DDX42: variants seen among roughly 807,000 people sequenced by gnomAD.
The protein encoded by DDX42 is ATP-dependent RNA helicase DDX42.
A neutral mutation model predicts 101.5 loss-of-function variants in DDX42; 22 were observed. The ratio of observed to expected loss-of-function variants is 0.22; its 90% CI spans 0.15 to 0.31. The LOEUF is 0.31. Among genes scored for constraint, DDX42 ranks in the 10% least tolerant of loss-of-function variants. The probability of loss-of-function intolerance (pLI) is 1.00; values close to 1 mark genes in which losing one functional copy is unlikely to be tolerated. For missense variants in DDX42, 849 were observed against 1,199.9 expected (o/e 0.71, Z 4.32); for synonymous variants, 402 against 401.2 (o/e 1.00, Z -0.02).
intron 2 of DDX42, among the ~76,000 whole-genome samples, chr17:63,791,095 A>T (rs1390340280): frequency 6.6e-6 from 1 of 152,174 alleles, no homozygotes; most frequent in Non-Finnish European, 1.5e-5. Flanking sequence ...TAACTTTTTA[A>T]ACTGCAGTTA....
intron 1 of DDX42, among the ~76,000 whole-genome samples, chr17:63,777,390 A>G (rs188734920): frequency 3.3e-5 from 5 of 152,222 alleles, no homozygotes; most frequent in East Asian, 3.9e-4. Flanking sequence ...CATGAATCCT[A>G]TAATACGGAG....
At chr17:63,803,114 A>C (rs1437763999) in intron 6 of DDX42, among the ~76,000 whole-genome samples, 1 of 152,188 alleles carries the variant, frequency 6.6e-6, no homozygotes, top group African/African-American at 2.4e-5. Context: ...ATATTTTCCA[A>C]ATGATCAATG....
At chr17:63,801,798 A>T (rs113535795) in intron 6 of DDX42, among the ~76,000 whole-genome samples, 2,448 of 152,208 alleles carry the variant, frequency 0.016, 65 homozygotes, top group African/African-American at 0.054. Context: ...TGTTGGTCCT[A>T]GATCTGGGGC....
chr17:63,792,413 T>C lies in DDX42; in HGVS notation c.223T>C (p.Tyr75His). The change falls in exon 3 of 18, where the codon TAT becomes CAT. Residue 75 changes from tyrosine (Y) to histidine (H), a missense_variant and splice_region_variant. Physicochemically the swap from Tyr to His is moderately conservative, Grantham distance 83. Coordinates refer to ENST00000389924, the MANE Select transcript of DDX42 (RefSeq NM_203499.3). Reference sequence around the variant, plus strand: ...ACCAGTTTGCTTTCTAATTCTCAGCTATTTTGAAGATGAGGAAGAAGATTC... The same window carrying C: ...ACCAGTTTGCTTTCTAATTCTCAGCCATTTTGAAGATGAGGAAGAAGATTC... ...KRANFDEENA[Y>H]FEDEEEDSSN... The C allele has an allele frequency of 6.2e-7, 1 of 1,610,904 alleles. No individual in the cohort carries two copies.
At position 63,791,982 on chromosome 17, in the gene DDX42, G is replaced by A. The variant is rs375022440; in HGVS notation, c.222-430G>A. On this transcript the variant is annotated intron_variant, in intron 2 of 17. Coordinates refer to ENST00000389924, the MANE Select transcript of DDX42 (RefSeq NM_203499.3). ...GAATAGCTTGAACCCAGAAGGCGGG[G>A]GTTGCAGGGAGCCCAGATTGTGCCA... Among the ~76,000 whole-genome samples the A allele has an allele frequency of 2.6e-5, 4 of 151,922 alleles. 1 individual carries two copies. The East Asian group carries it at 7.7e-4, about 29-fold the overall frequency.
At chr17:63,804,075 T>C (rs1408189816) in intron 6 of DDX42, among the ~76,000 whole-genome samples, 2 of 152,168 alleles carry the variant, frequency 1.3e-5, no homozygotes, top group African/African-American at 4.8e-5. Flanking sequence ...TCACTCTTCT[T>C]CCAATTTTTT....
intron 7 of DDX42, chr17:63,805,454 C>T: frequency 7.5e-6 from 2 of 268,066 alleles, no homozygotes; most frequent in Non-Finnish European, 1.4e-5. Context: ...TGGGAGTCCC[C>T]ATCTAAAGGA....
intron 1 of DDX42, among the ~76,000 whole-genome samples, chr17:63,784,116 T>A (rs1337632456): frequency 6.6e-6 from 1 of 152,008 alleles, no homozygotes; most frequent in Non-Finnish European, 1.5e-5. Flanking sequence ...AACAACTAAG[T>A]GCTGTGTATA....
At chr17:63,810,448 G>C (rs1465614931) in intron 11 of DDX42, 65 bp from the exon 12 acceptor site, 2 of 1,546,086 alleles carry the variant, frequency 1.3e-6, no homozygotes, top group East Asian at 2.3e-5. Flanking sequence ...TACTAATATG[G>C]CTTTTTCCAG....
intron 1 of DDX42, among the ~76,000 whole-genome samples, chr17:63,776,573 A>G (rs2039423632): frequency 6.6e-6 from 1 of 152,186 alleles, no homozygotes. Context: ...TTGAACAAGT[A>G]CATTTTTGTG....
At chr17:63,801,813 G>C (rs1368505339) in intron 6 of DDX42, among the ~76,000 whole-genome samples, 1 of 152,100 alleles carries the variant, frequency 6.6e-6, no homozygotes, top group Non-Finnish European at 1.5e-5. Flanking sequence ...TGGGGCAGAT[G>C]AGAGGCTGTT....
At chr17:63,785,939 C>A (rs2039542951) in intron 1 of DDX42, among the ~76,000 whole-genome samples, 1 of 152,188 alleles carries the variant, frequency 6.6e-6, no homozygotes, top group South Asian at 2.1e-4. Context: ...AGAGTCTTGG[C>A]TGATAGCAGC....
At chr17:63,808,363 G>A (rs573939351) in intron 9 of DDX42, among the ~76,000 whole-genome samples, 4 of 151,956 alleles carry the variant, frequency 2.6e-5, no homozygotes, top group African/African-American at 4.8e-5. Flanking sequence ...TAGTAGAGAC[G>A]GGGTTTCACC....
intron 2 of DDX42, among the ~76,000 whole-genome samples, chr17:63,791,338 G>GTC (rs1376145162): frequency 6.6e-6 from 1 of 152,146 alleles, no homozygotes; most frequent in Non-Finnish European, 1.5e-5. Flanking sequence ...TTTTGAGAGA[G>GTC]TCTTGCTCTG....
chr17:63,791,041 A>G (rs1279414534), intron 2 of DDX42, among the ~76,000 whole-genome samples: 3 of 152,244 alleles, frequency 2.0e-5, no homozygotes, highest in East Asian at 1.9e-4. Context: ...ATAGCATAAC[A>G]GTTAAAGCTT....
In DDX42 at chr17:63,817,371, G is replaced by C. The variant is rs147533783; in HGVS notation, c.2113-323G>C. ...GTTTTGCTGTCAAACTTAAATTGCA[G>C]TATGAAAATTTTTTTTAAGTTTTCA... On this transcript the variant is annotated intron_variant, in intron 17 of 17. Coordinates refer to ENST00000389924, the MANE Select transcript of DDX42 (RefSeq NM_203499.3). 3.1e-3 allele frequency: 969 copies of C among 312,588 alleles called. 5 individuals are homozygous for C. Among genetic ancestry groups the C allele is most frequent in the African/African-American group, 0.018 (852 of 47,300 alleles). The allele number at this position is 312,588 out of a possible 1,614,324, so 19.4% of individuals were successfully genotyped here.
chr17:63,775,956 A>G (rs2039415846), intron 1 of DDX42: 1 of 152,254 alleles, frequency 6.6e-6, no homozygotes, highest in South Asian at 2.1e-4. Flanking sequence ...TAAAATAACC[A>G]TAACCTAGCA....
intron 1 of DDX42, among the ~76,000 whole-genome samples, chr17:63,783,453 C>T (rs1013871367): frequency 6.6e-6 from 1 of 152,106 alleles, no homozygotes; most frequent in African/African-American, 2.4e-5. Context: ...TGAGCCCATC[C>T]TTTTTGTTGC....
chr17:63,779,184 G>C (rs773266746), intron 1 of DDX42, among the ~76,000 whole-genome samples: 9 of 152,136 alleles, frequency 5.9e-5, no homozygotes, highest in Non-Finnish European at 1.2e-4. Context: ...TGGCACCCCA[G>C]CAGGAAATGA....
Sources: allele counts gnomAD v4.1 joint callset (sites outside exome capture counted in the v4.1 genomes callset), GRCh38; gene constraint gnomAD v4.1.1; transcripts MANE v1.5; gene names NCBI Gene and HGNC (gene_info 2026-07-23, HGNC 2026-07-21).